Variants in NLN observed in about 807,000 individuals in gnomAD.
NLN encodes the protein neurolysin, also known as neurolysin, mitochondrial.
In NLN, 64 loss-of-function variants were observed where a neutral mutation model predicts 79.9. That is an observed-to-expected ratio of 0.80 (90% confidence interval 0.65 to 0.99). The LOEUF (loss-of-function observed/expected upper bound fraction) is 0.99, where lower values mean the gene tolerates loss of function less well. Ranked by LOEUF, NLN falls within the 50% of genes least tolerant of loss-of-function variation. NLN has a pLI of 0.00. For synonymous variants in NLN, 267 were observed against 296.6 expected (o/e 0.90, Z 1.02); for missense variants, 835 against 858.7 (o/e 0.97, Z 0.34).
intron 12 of NLN, among the ~76,000 whole-genome samples, chr5:65,821,179 G>C (rs575399740): frequency 2.0e-5 from 3 of 152,230 alleles, no homozygotes; most frequent in Admixed American, 2.0e-4. Context: ...GGGAAGTTCG[G>C]TATCAGTGAC....
rs559947919 is a variant in NLN, at chr5:65,813,381, C to G, written c.1980+990C>G. Among the ~76,000 whole-genome samples, 3 of 151,646 alleles carry G rather than the reference C, an allele frequency of 2.0e-5. No homozygotes were observed. The South Asian group carries it at 6.3e-4, about 32-fold the overall frequency. On this transcript the variant is annotated intron_variant, in intron 12 of 12. Coordinates refer to ENST00000380985, the MANE Select transcript of NLN (RefSeq NM_020726.5). ...TATTGTTCTCACAGACATACCTATTCCTGCATGACCTTCAACCAGGACCCA... is the reference window on the plus strand; with the variant it reads ...TATTGTTCTCACAGACATACCTATTGCTGCATGACCTTCAACCAGGACCCA...
chr5:65,786,780 T>G (rs930394723), intron 7 of NLN, among the ~76,000 whole-genome samples: 59 of 152,322 alleles, frequency 3.9e-4, no homozygotes, highest in African/African-American at 1.4e-3. Context: ...GAGGATCCCT[T>G]GAGCCCAGGA....
At chr5:65,812,441 C>G in intron 12 of NLN, 50 bp downstream of exon 12, 2 of 1,245,064 alleles carry the variant, frequency 1.6e-6, no homozygotes, top group Non-Finnish European at 2.3e-6. Flanking sequence ...GCTCCCTCCC[C>G]TTTAACTCCT....
chr5:65,741,326 G>A (rs1369179485), intron 1 of NLN, among the ~76,000 whole-genome samples: 2 of 151,804 alleles, frequency 1.3e-5, no homozygotes, highest in African/African-American at 2.4e-5. Context: ...ATTTTGATAG[G>A]GATTGCATTC....
chr5:65,771,375 C>T (rs1027862989), intron 3 of NLN, among the ~76,000 whole-genome samples: 2 of 152,016 alleles, frequency 1.3e-5, no homozygotes, highest in Admixed American at 6.6e-5. Flanking sequence ...GCCATTTTGG[C>T]GAGAAAAATG....
chr5:65,745,431 G>T (rs763604697), intron 1 of NLN, among the ~76,000 whole-genome samples: 4 of 152,128 alleles, frequency 2.6e-5, no homozygotes, highest in Non-Finnish European at 4.4e-5. Context: ...AAATACAAAA[G>T]AATATGGGCT....
chr5:65,785,558 T>C (rs1156777053), intron 6 of NLN, among the ~76,000 whole-genome samples: 1 of 150,962 alleles, frequency 6.6e-6, no homozygotes, highest in East Asian at 1.9e-4. Context: ...AGTTCTGAAG[T>C]TTAAAAAGTC....
intron 12 of NLN, among the ~76,000 whole-genome samples, chr5:65,821,153 C>T (rs2150779418): frequency 6.6e-6 from 1 of 152,108 alleles, no homozygotes; most frequent in African/African-American, 2.4e-5. Flanking sequence ...AGCTTCAAGC[C>T]CTCGTCGTCA....
At chr5:65,739,313 T>A (rs1758822052) in intron 1 of NLN, among the ~76,000 whole-genome samples, 1 of 152,068 alleles carries the variant, frequency 6.6e-6, no homozygotes, top group African/African-American at 2.4e-5. Context: ...GTTAACACTT[T>A]CCACCAGGTT....
At chr5:65,796,534 T>A (rs1760177826) in intron 9 of NLN, among the ~76,000 whole-genome samples, 2 of 152,256 alleles carry the variant, frequency 1.3e-5, no homozygotes, top group South Asian at 4.1e-4. Context: ...AAATGTGTCA[T>A]ACTGATGAAT....
intron 1 of NLN, among the ~76,000 whole-genome samples, chr5:65,723,372 G>GT (rs1375648369): frequency 2.0e-5 from 3 of 152,196 alleles, no homozygotes; most frequent in Non-Finnish European, 2.9e-5. Context: ...ATTACAAAGA[G>GT]TTAATGTGGT....
chr5:65,741,163 T>TGCCTGGCCTTTGTAATAAGTTTTGAA, intron 1 of NLN, among the ~76,000 whole-genome samples: 1 of 152,264 alleles, frequency 6.6e-6, no homozygotes, highest in East Asian at 1.9e-4. Context: ...TGAGCCACCA[T>TGCCTGGCCTTTGTAATAAGTTTTGAA]GCCTGGCCTT....
chr5:65,762,933 G>A (rs1579931178), intron 2 of NLN, 27 bp from the exon 3 acceptor site: 3 of 1,610,226 alleles, frequency 1.9e-6, no homozygotes, highest in Non-Finnish European at 2.5e-6. Flanking sequence ...CCTGTTGTGT[G>A]GTGATAGTTT....
In NLN at chr5:65,824,784, T is replaced by C. The variant is rs1760882746; in HGVS notation, c.*1869T>C. 2 of 152,216 alleles carry C rather than the reference T, an allele frequency of 1.3e-5. No homozygotes were observed. The highest frequency in any genetic ancestry group is 4.8e-5 in the African/African-American group (2 of 41,454). The allele number at this position is 152,216 out of a possible 1,614,324, so 9.4% of individuals were successfully genotyped here. ...TTCTATTTAGGGCCTACCTCTAATATTTAAAATCTACCAAAGAGCAGTCAC... is the reference window on the plus strand; with the variant it reads ...TTCTATTTAGGGCCTACCTCTAATACTTAAAATCTACCAAAGAGCAGTCAC... On this transcript the variant is annotated 3_prime_UTR_variant, in exon 13 of 13. Coordinates refer to ENST00000380985, the MANE Select transcript of NLN (RefSeq NM_020726.5).
intron 1 of NLN, among the ~76,000 whole-genome samples, chr5:65,731,750 T>C (rs1758614414): frequency 1.8e-5 from 2 of 110,294 alleles, no homozygotes; most frequent in Non-Finnish European, 3.9e-5. Context: ...TTCTTTTTTT[T>C]TTTTTTTTTT....
At position 65,826,295 on chromosome 5, in the gene NLN, CTT is replaced by C. The variant is rs993885972; in HGVS notation, c.*3382_*3383del. 38 of 152,154 alleles carry C rather than the reference CTT, an allele frequency of 2.5e-4. No homozygotes were observed. The highest frequency in any genetic ancestry group is 9.8e-4 in the Admixed American group (15 of 15,272). The allele number at this position is 152,154 out of a possible 1,614,324, so 9.4% of individuals were successfully genotyped here. A position where few individuals can be genotyped will look rare whatever the true frequency, so the allele number is the denominator to read the frequency against. ...CATCATGAGAGTTCCTTCCTCATGA[CTT>C]TATCTAAACCCAGTCACCCCCAACA... On this transcript the variant is annotated 3_prime_UTR_variant, in exon 13 of 13. Transcript: ENST00000380985.
Position 65,747,536 on chromosome 5 carries a change from C to T in NLN, c.42-11031C>T, listed in dbSNP as rs374345679. On this transcript the variant is annotated intron_variant, in intron 1 of 12. Coordinates refer to ENST00000380985, the MANE Select transcript of NLN (RefSeq NM_020726.5). ...TTGACCTGATAGATGAAGTTCACTTCTAACAGTTGTGCAACCTGAGGTGAA... is the reference window on the plus strand; with the variant it reads ...TTGACCTGATAGATGAAGTTCACTTTTAACAGTTGTGCAACCTGAGGTGAA... Among the ~76,000 whole-genome samples, 280 of 152,280 alleles carry T rather than the reference C, an allele frequency of 1.8e-3. 2 individuals are homozygous for T. The highest frequency in any genetic ancestry group is 6.5e-3 in the African/African-American group (270 of 41,532).
At chr5:65,791,414 T>TG (rs1235291472) in intron 8 of NLN, among the ~76,000 whole-genome samples, 1 of 152,104 alleles carries the variant, frequency 6.6e-6, no homozygotes, top group Non-Finnish European at 1.5e-5. Flanking sequence ...AAAAATTAGC[T>TG]GGGTGTGGTG....
chr5:65,786,219 A>G (rs890200837), intron 7 of NLN, among the ~76,000 whole-genome samples: 27 of 152,178 alleles, frequency 1.8e-4, no homozygotes, highest in Admixed American at 1.8e-3. Flanking sequence ...TTCACTAGGG[A>G]TTTAGTAGTC....
Sources: gnomAD v4.1 joint callset for allele counts (sites outside exome capture counted in the v4.1 genomes callset) on GRCh38, gnomAD v4.1.1 for gene constraint, MANE v1.5 for transcripts, NCBI Gene and HGNC (gene_info 2026-07-23, HGNC 2026-07-21) for gene names.